The following TANC1 variants were observed in gnomAD, a reference collection of about 807,000 sequenced individuals.
TANC1 encodes tetratricopeptide repeat, ankyrin repeat and coiled-coil containing 1, also known as protein TANC1.
A neutral mutation model predicts 149.7 loss-of-function variants in TANC1; 77 were observed. The ratio of observed to expected loss-of-function variants is 0.51; its 90% CI spans 0.43 to 0.62. The LOEUF (loss-of-function observed/expected upper bound fraction) is 0.62, where lower values mean the gene tolerates loss of function less well. Among genes scored for constraint, TANC1 ranks in the 20% least tolerant of loss-of-function variants. The pLI, the probability that TANC1 is intolerant of heterozygous loss-of-function variation, is 0.00. For synonymous variants in TANC1, 854 were observed against 925.0 expected (o/e 0.92, Z 1.39); for missense variants, 1,985 against 2,321.8 (o/e 0.85, Z 2.98).
chr2:159,105,472 C>T (rs1404918979), intron 4 of TANC1, among the ~76,000 whole-genome samples: 2 of 152,110 alleles, frequency 1.3e-5, no homozygotes, highest in Non-Finnish European at 2.9e-5. Flanking sequence ...GAACTTCCAA[C>T]AGGAATACTT....
At chr2:159,134,041 C>T (rs1245514184) in intron 4 of TANC1, among the ~76,000 whole-genome samples, 2 of 152,270 alleles carry the variant, frequency 1.3e-5, no homozygotes, top group Non-Finnish European at 2.9e-5. Context: ...ATGCAGAAGA[C>T]GTTTGAGACA....
At chr2:159,035,973 G>C (rs895113172) in intron 2 of TANC1, among the ~76,000 whole-genome samples, 7 of 152,220 alleles carry the variant, frequency 4.6e-5, no homozygotes, top group African/African-American at 1.7e-4. Flanking sequence ...CAGAGGGTCT[G>C]AGAGCGGGCA....
At chr2:158,985,460 G>A (rs969075518) in intron 1 of TANC1, among the ~76,000 whole-genome samples, 5 of 152,184 alleles carry the variant, frequency 3.3e-5, no homozygotes, top group African/African-American at 9.7e-5. Context: ...ATAGGCAGGC[G>A]CTCTGCAGGG....
intron 3 of TANC1, among the ~76,000 whole-genome samples, chr2:159,092,475 G>A (rs1195481419): frequency 6.6e-6 from 1 of 152,086 alleles, no homozygotes; most frequent in Non-Finnish European, 1.5e-5. Flanking sequence ...GCCTGTAATG[G>A]TAAAAACATT....
intron 13 of TANC1, among the ~76,000 whole-genome samples, chr2:159,177,565 A>G (rs1049455079): frequency 1.3e-5 from 2 of 152,164 alleles, no homozygotes; most frequent in Non-Finnish European, 1.5e-5. Context: ...AGTAAGCACA[A>G]TTTGTCCATC....
At chr2:159,215,339 C>T (rs2059275524) in intron 19 of TANC1, among the ~76,000 whole-genome samples, 1 of 152,286 alleles carries the variant, frequency 6.6e-6, no homozygotes, top group African/African-American at 2.4e-5. Flanking sequence ...TAAGGACAGT[C>T]GGTAGAGACT....
intron 19 of TANC1, among the ~76,000 whole-genome samples, chr2:159,210,424 ATTGAGTT>A (rs2058906698): frequency 6.6e-6 from 1 of 152,194 alleles, no homozygotes; most frequent in African/African-American, 2.4e-5. Context: ...CAAGTTGACA[ATTGAGTT>A]TTTGCAAATC....
At position 159,170,654 on chromosome 2, in the gene TANC1, G is replaced by A. The variant is rs1575076229; in HGVS notation, c.1200G>A (p.Arg400=). Residue 400 remains arginine (R), a synonymous_variant, in exon 10 of 27, where the codon AGG becomes AGA. Coordinates refer to ENST00000263635, the MANE Select transcript of TANC1 (RefSeq NM_033394.3). ...WLFHQIEENL[R]NTELAENRGA... ...TTCACCAGATAGAAGAAAACTTGAG[G>A]AACACAGAACTGGCAGAAAACAGAG... The A allele has an allele frequency of 6.2e-7, 1 of 1,614,150 alleles. No homozygotes were observed. The highest frequency in any genetic ancestry group is 1.6e-4 in the Middle Eastern group (1 of 6,062).
intron 5 of TANC1, among the ~76,000 whole-genome samples, chr2:159,140,221 C>CAA (rs768866568): frequency 3.5e-4 from 41 of 117,588 alleles, no homozygotes; most frequent in African/African-American, 1.2e-3. Flanking sequence ...GACCCTGTCT[C>CAA]AAAAAAAAAA....
chr2:159,222,822 T>C (rs2059788155), intron 22 of TANC1, among the ~76,000 whole-genome samples: 1 of 152,202 alleles, frequency 6.6e-6, no homozygotes, highest in African/African-American at 2.4e-5. Context: ...CCTACTTTTT[T>C]TCCACAGTTG....
chr2:159,169,786 AGTTT>A (rs778927939), intron 9 of TANC1, among the ~76,000 whole-genome samples: 1 of 152,122 alleles, frequency 6.6e-6, no homozygotes, highest in South Asian at 2.1e-4. Flanking sequence ...TGAGGTCAGG[AGTTT>A]GAGACCAGCC....
intron 19 of TANC1, among the ~76,000 whole-genome samples, chr2:159,213,761 A>G (rs1351986158): frequency 2.6e-5 from 4 of 152,144 alleles, no homozygotes; most frequent in Non-Finnish European, 5.9e-5. Context: ...GAAAAGCACT[A>G]TTATGAGACT....
At chr2:159,044,308 G>A (rs1247057136) in intron 2 of TANC1, among the ~76,000 whole-genome samples, 1 of 151,910 alleles carries the variant, frequency 6.6e-6, no homozygotes, top group East Asian at 1.9e-4. Flanking sequence ...ATGGTGGCAT[G>A]CACCTGTAGT....
chr2:159,171,856 TAAAAAAAAAAAAAA>T lies in TANC1; in HGVS notation c.1352-259_1352-246del, dbSNP rs1167819599. 2.4e-4 allele frequency among the ~76,000 whole-genome samples: 4 copies of T among 16,886 alleles called. No individual in the cohort carries two copies. In the Admixed American group the frequency reaches 2.9e-3, roughly 12 times the overall value. 11.1% of individuals were successfully genotyped at this position (16,886 alleles called of 152,430 possible). ...TGGGCCACAGAGTGAGACTCCGCCT[TAAAAAAAAAAAAAA>T]AAAAAGAAAAAGAAAAAAAAAATTT... On this transcript the variant is annotated intron_variant, in intron 10 of 26. Coordinates refer to ENST00000263635, the MANE Select transcript of TANC1 (RefSeq NM_033394.3).
chr2:159,010,517 G>A (rs2037646847), intron 2 of TANC1, among the ~76,000 whole-genome samples: 1 of 152,128 alleles, frequency 6.6e-6, no homozygotes, highest in African/African-American at 2.4e-5. Context: ...AGTGGAGGCC[G>A]TGGGTGCGTC....
At chr2:159,173,727 C>A (rs990097207) in intron 11 of TANC1, among the ~76,000 whole-genome samples, 1 of 152,238 alleles carries the variant, frequency 6.6e-6, no homozygotes, top group African/African-American at 2.4e-5. Flanking sequence ...CACAAGCTTA[C>A]AGGATCCTCA....
intron 4 of TANC1, 147 bp from the exon 5 acceptor site, chr2:159,136,047 T>TGTGTGA: frequency 4.8e-6 from 1 of 210,232 alleles, no homozygotes; most frequent in Non-Finnish European, 9.1e-6. Flanking sequence ...TGTGTGTGTG[T>TGTGTGA]GTGCGCGCGC....
intron 19 of TANC1, among the ~76,000 whole-genome samples, chr2:159,206,210 G>A (rs1316552802): frequency 6.6e-6 from 1 of 152,224 alleles, no homozygotes; most frequent in African/African-American, 2.4e-5. Flanking sequence ...CCTGTAAGGG[G>A]AGGGACAAAG....
chr2:159,119,396 T>G (rs1407293127), intron 4 of TANC1, among the ~76,000 whole-genome samples: 2 of 152,192 alleles, frequency 1.3e-5, no homozygotes, highest in Admixed American at 1.3e-4. Context: ...CCTGATTGAC[T>G]GTTAGCAGGT....
Sources: allele counts gnomAD v4.1 joint callset (sites outside exome capture counted in the v4.1 genomes callset), GRCh38; gene constraint gnomAD v4.1.1; transcripts MANE v1.5; gene names NCBI Gene and HGNC (gene_info 2026-07-23, HGNC 2026-07-21).